Variants in STAG1 observed in about 807,000 individuals in gnomAD.
STAG1 encodes STAG1 cohesin complex component.
In STAG1, 26 loss-of-function variants were observed where a neutral mutation model predicts 170.9. That is an observed-to-expected ratio of 0.15 (90% CI 0.11 to 0.21). The LOEUF (loss-of-function observed/expected upper bound fraction) is 0.21. Ranked by LOEUF, STAG1 falls within the 10% of genes least tolerant of loss-of-function variation. The probability of loss-of-function intolerance (pLI) is 1.00; values close to 1 mark genes in which losing one functional copy is unlikely to be tolerated. For synonymous variants in STAG1, 514 were observed against 497.7 expected, an observed-to-expected ratio of 1.03 and a Z score of -0.44; for missense variants, 964 against 1,509.5, an observed-to-expected ratio of 0.64 and a Z score of 5.99.
In STAG1 at chr3:136,398,848, A is replaced by G. The variant is rs1337090388; in HGVS notation, c.2197-19T>C. Reference sequence around the variant, plus strand: ...CGACTATCTGTATCAAATGAAAAAAAATTTTTTTAATGAAAAATTCAAAAA... The same window carrying G: ...CGACTATCTGTATCAAATGAAAAAAGATTTTTTTAATGAAAAATTCAAAAA... On this transcript the variant is annotated intron_variant, in intron 21 of 33. Transcript: ENST00000383202. The G allele has an allele frequency of 6.6e-7, 1 of 1,511,084 alleles. No individual in the cohort carries two copies. Among genetic ancestry groups the G allele is most frequent in the South Asian group, 1.3e-5 (1 of 75,630 alleles). 93.6% of individuals were successfully genotyped at this position (1,511,084 alleles called of 1,614,324 possible).
chr3:136,459,475 T>C (rs1019489445), intron 13 of STAG1, among the ~76,000 whole-genome samples: 2 of 152,168 alleles, frequency 1.3e-5, no homozygotes, highest in Non-Finnish European at 2.9e-5. Flanking sequence ...AAAGAATCAA[T>C]GTTTCCAAAG....
intron 4 of STAG1, among the ~76,000 whole-genome samples, chr3:136,570,808 G>C (rs1937245188): frequency 6.6e-6 from 1 of 152,192 alleles, no homozygotes; most frequent in Non-Finnish European, 1.5e-5. Flanking sequence ...TCCTCCAAGT[G>C]AAAGAGAAGA....
At chr3:136,552,967 A>G (rs1345200140) in intron 5 of STAG1, among the ~76,000 whole-genome samples, 4 of 152,192 alleles carry the variant, frequency 2.6e-5, no homozygotes, top group Non-Finnish European at 5.9e-5. Flanking sequence ...AACAAAATAC[A>G]CCAAGAAGAA....
At chr3:136,692,175 A>G (rs1056522901) in intron 1 of STAG1, among the ~76,000 whole-genome samples, 1 of 151,586 alleles carries the variant, frequency 6.6e-6, no homozygotes, top group Non-Finnish European at 1.5e-5. Context: ...TTAGCCGGGC[A>G]TGATGGCAGG....
At chr3:136,462,329 G>A (rs144349888) in intron 13 of STAG1, among the ~76,000 whole-genome samples, 173 of 152,208 alleles carry the variant, frequency 1.1e-3, no homozygotes, top group Non-Finnish European at 2.1e-3. Flanking sequence ...AACAAATGTG[G>A]TATATATACA....
At chr3:136,470,604 A>C (rs1341509329) in intron 12 of STAG1, among the ~76,000 whole-genome samples, 1 of 152,192 alleles carries the variant, frequency 6.6e-6, no homozygotes, top group Non-Finnish European at 1.5e-5. Context: ...TAGAACTAGA[A>C]ATACCATTTG....
At chr3:136,631,097 A>G (rs1940312424) in intron 1 of STAG1, 116 bp from the exon 2 acceptor site, 1 of 519,978 alleles carries the variant, frequency 1.9e-6, no homozygotes, top group Non-Finnish European at 3.4e-6. Context: ...TACCCAAATG[A>G]GCTGAAAACC....
intron 13 of STAG1, among the ~76,000 whole-genome samples, chr3:136,463,770 T>TATACAC (rs1553725822): frequency 4.0e-5 from 5 of 126,394 alleles, no homozygotes; most frequent in Non-Finnish European, 3.4e-5. Flanking sequence ...TGTGTGTGTA[T>TATACAC]ACACACACAC....
chr3:136,722,165 G>A (rs1933321663), intron 1 of STAG1, among the ~76,000 whole-genome samples: 1 of 150,188 alleles, frequency 6.7e-6, no homozygotes, highest in African/African-American at 2.5e-5. Flanking sequence ...TGAGGCTGCA[G>A]TAAGCCATGA....
At chr3:136,474,806 T>C (rs1471665094) in intron 10 of STAG1, among the ~76,000 whole-genome samples, 3 of 152,208 alleles carry the variant, frequency 2.0e-5, no homozygotes, top group Non-Finnish European at 4.4e-5. Context: ...CAGTGTTAAC[T>C]GCTAATGGTT....
intron 1 of STAG1, among the ~76,000 whole-genome samples, chr3:136,695,793 A>T (rs1300566118): frequency 6.6e-6 from 1 of 151,932 alleles, no homozygotes; most frequent in African/African-American, 2.4e-5. Flanking sequence ...GTTCAATCCG[A>T]AAGAGACTTA....
At chr3:136,737,552 T>A (rs1934412211) in intron 1 of STAG1, among the ~76,000 whole-genome samples, 1 of 152,214 alleles carries the variant, frequency 6.6e-6, no homozygotes, top group African/African-American at 2.4e-5. Context: ...CTCTGCATTT[T>A]ATGTTCACTT....
chr3:136,441,303 G>A lies in STAG1; in HGVS notation c.1546+1984C>T, dbSNP rs567934234. On this transcript the variant is annotated intron_variant, in intron 15 of 33. Transcript: ENST00000383202. ...CTACCTCAGCCTCCCAAAGTGCTGG[G>A]ATTACAGGCGTGAGCCACCACACCT... 2.0e-4 allele frequency among the ~76,000 whole-genome samples: 30 copies of A among 152,236 alleles called. No individual in the cohort carries two copies. In the South Asian group the frequency reaches 5.4e-3, roughly 27 times the overall value.
At chr3:136,464,039 T>C (rs924423102) in intron 13 of STAG1, among the ~76,000 whole-genome samples, 47 of 151,660 alleles carry the variant, frequency 3.1e-4, no homozygotes, top group Admixed American at 2.4e-3. Context: ...ATTAACGTTA[T>C]GCTTTACAAA....
At chr3:136,404,873 G>GTA (rs58319117) in intron 21 of STAG1, among the ~76,000 whole-genome samples, 3 of 151,718 alleles carry the variant, frequency 2.0e-5, no homozygotes, top group African/African-American at 7.3e-5. Context: ...ATGTGTGTGT[G>GTA]TGTGTGTGTG....
intron 19 of STAG1, 95 bp from the exon 20 acceptor site, chr3:136,421,258 T>G (rs765553783): frequency 6.5e-5 from 42 of 645,068 alleles, no homozygotes; most frequent in Non-Finnish European, 1.0e-4. Context: ...TAAATTATAT[T>G]AATAGTATAT....
rs189398889 is a variant in STAG1 at position 136,675,816 on chromosome 3, T to C, written c.-83-44835A>G. On this transcript the variant is annotated intron_variant, in intron 1 of 33. Coordinates refer to ENST00000383202, the MANE Select transcript of STAG1 (RefSeq NM_005862.3). ...TTATTAACATTTGTGTCCAGTCATA[T>C]GTTGCTTGACTGTATTTCTCTTTTC... is the stretch of plus-strand genomic sequence containing the variant. Among the ~76,000 whole-genome samples, 32 of 152,318 alleles carry C rather than the reference T, an allele frequency of 2.1e-4. No homozygotes were observed. In the East Asian group the frequency reaches 3.1e-3, roughly 15 times the overall value.
chr3:136,550,766 TC>T (rs1936349735), intron 5 of STAG1, among the ~76,000 whole-genome samples: 2 of 152,188 alleles, frequency 1.3e-5, no homozygotes, highest in African/African-American at 2.4e-5. Context: ...AGTCTCTACT[TC>T]CATTTCTAAT....
intron 12 of STAG1, among the ~76,000 whole-genome samples, chr3:136,467,151 C>T (rs1173755903): frequency 6.6e-6 from 1 of 152,136 alleles, no homozygotes; most frequent in Non-Finnish European, 1.5e-5. Context: ...CAAATTCAAA[C>T]ATAACAATAT....
Sources: allele counts gnomAD v4.1 joint callset (sites outside exome capture counted in the v4.1 genomes callset), GRCh38; gene constraint gnomAD v4.1.1; transcripts MANE v1.5; gene names NCBI Gene and HGNC (gene_info 2026-07-23, HGNC 2026-07-21).